DAB1: variants seen among roughly 807,000 people sequenced by gnomAD.
DAB1 encodes disabled homolog 1.
A neutral mutation model predicts 64.6 loss-of-function variants in DAB1; 15 were observed. The observed-to-expected ratio is 0.23, with a 90% CI of 0.16 to 0.36. The LOEUF (loss-of-function observed/expected upper bound fraction) is 0.36, where lower values mean the gene tolerates loss of function less well. Among genes scored for constraint, DAB1 ranks in the 10% least tolerant of loss-of-function variants. DAB1 has a pLI of 1.00. For synonymous variants in DAB1, 235 were observed against 251.9 expected, an observed-to-expected ratio of 0.93 and a Z score of 0.64; for missense variants, 596 against 706.7, an observed-to-expected ratio of 0.84 and a Z score of 1.78.
At chr1:57,477,244 A>G (rs1330036262) in intron 7 of DAB1, among the ~76,000 whole-genome samples, 2 of 152,190 alleles carry the variant, frequency 1.3e-5, no homozygotes, top group African/African-American at 4.8e-5. Flanking sequence ...TAAAAATTAT[A>G]CTTTGCATCA....
At chr1:57,708,465 T>G (rs1434643834) in intron 6 of DAB1, among the ~76,000 whole-genome samples, 1 of 152,196 alleles carries the variant, frequency 6.6e-6, no homozygotes, top group Non-Finnish European at 1.5e-5. Flanking sequence ...TTGCACTGAG[T>G]TGCACTCAAA....
chr1:57,588,926 A>T (rs963484918), intron 7 of DAB1, among the ~76,000 whole-genome samples: 8 of 152,344 alleles, frequency 5.3e-5, no homozygotes, highest in African/African-American at 1.9e-4. Context: ...GTCCAGAACA[A>T]AAAAAGTAGA....
At chr1:57,464,837 T>C (rs982699381) in intron 7 of DAB1, among the ~76,000 whole-genome samples, 2 of 151,928 alleles carry the variant, frequency 1.3e-5, no homozygotes, top group Non-Finnish European at 2.9e-5. Context: ...CAATATTTCC[T>C]GGGAGGAGCA....
intron 7 of DAB1, among the ~76,000 whole-genome samples, chr1:57,604,021 C>T (rs574872917): frequency 1.3e-5 from 2 of 152,328 alleles, no homozygotes; most frequent in East Asian, 1.9e-4. Flanking sequence ...CACATGCTGG[C>T]GTTTCCCTGG....
chr1:58,378,815 T>G (rs1335989492), intron 3 of DAB1, among the ~76,000 whole-genome samples: 3 of 109,308 alleles, frequency 2.7e-5, no homozygotes, highest in Non-Finnish European at 5.5e-5. Context: ...CAGACTGCTG[T>G]GCTAGCAATC....
Position 58,173,060 on chromosome 1 carries a change from G to A in DAB1, n.310-22472C>T, listed in dbSNP as rs1490574271. 1.3e-5 allele frequency among the ~76,000 whole-genome samples: 2 copies of A among 152,194 alleles called. 1 individual carries two copies. The highest frequency in any genetic ancestry group is 4.8e-5 in the African/African-American group (2 of 41,444). ...GGAGAAAAGGCAGAAGGAAACCACT[G>A]GGCAGATGCTGAGGCCAAAACCGCT... On this transcript the variant is annotated intron_variant and non_coding_transcript_variant, in intron 4 of 20. Transcript: ENST00000485760.
At chr1:58,048,346 G>T in intron 5 of DAB1, 1 of 1,023,030 alleles carries the variant, frequency 9.8e-7, no homozygotes, top group South Asian at 1.3e-5. Context: ...TGTTTTAATT[G>T]CCCAAATCAC....
chr1:57,736,326 C>G (rs947458166), intron 6 of DAB1, among the ~76,000 whole-genome samples: 2 of 152,236 alleles, frequency 1.3e-5, no homozygotes, highest in Non-Finnish European at 2.9e-5. Flanking sequence ...CCAAAGCAAA[C>G]TCCCATTATG....
intron 2 of DAB1, among the ~76,000 whole-genome samples, chr1:57,231,080 C>T (rs749812454): frequency 6.6e-6 from 1 of 152,110 alleles, no homozygotes; most frequent in Non-Finnish European, 1.5e-5. Context: ...GATATATAGG[C>T]AACCTTGTTG....
chr1:57,584,990 G>A (rs1444035095), intron 7 of DAB1, among the ~76,000 whole-genome samples: 3 of 152,110 alleles, frequency 2.0e-5, no homozygotes, highest in Non-Finnish European at 2.9e-5. Flanking sequence ...GGTGGCTTAC[G>A]CCTGTAATCC....
intron 7 of DAB1, among the ~76,000 whole-genome samples, chr1:57,515,459 A>T (rs749981622): frequency 5.3e-5 from 8 of 152,218 alleles, no homozygotes; most frequent in Non-Finnish European, 2.9e-5. Context: ...CAAGGTATTT[A>T]TTTGTATCAG....
At chr1:57,794,590 A>T (rs1650754090) in intron 6 of DAB1, among the ~76,000 whole-genome samples, 1 of 152,196 alleles carries the variant, frequency 6.6e-6, no homozygotes, top group South Asian at 2.1e-4. Flanking sequence ...TTCTTGCCAC[A>T]TGCCTCCATT....
intron 3 of DAB1, among the ~76,000 whole-genome samples, chr1:58,370,685 G>A (rs1360152436): frequency 6.6e-6 from 1 of 152,148 alleles, no homozygotes; most frequent in Middle Eastern, 3.2e-3. Flanking sequence ...CGTGTCAAGG[G>A]AAGGACCTAG....
At chr1:58,077,470 G>T (rs2100585575) in intron 5 of DAB1, among the ~76,000 whole-genome samples, 1 of 152,304 alleles carries the variant, frequency 6.6e-6, no homozygotes, top group South Asian at 2.1e-4. Flanking sequence ...TAATGAGAAT[G>T]AAGAAGAAGG....
rs560283661 is a variant in DAB1, at chr1:57,388,844, T to C, written c.-137+35086A>G. Among the ~76,000 whole-genome samples, 4 of 152,236 alleles carry C rather than the reference T, an allele frequency of 2.6e-5. No individual in the cohort carries two copies. In the South Asian group the frequency reaches 6.2e-4, roughly 24 times the overall value. ...ATCTCTCTTCTTCACAGAATACTGC[T>C]CCCTCTCACAAACTCCTCCTCTTGC... is the stretch of plus-strand genomic sequence containing the variant. On this transcript the variant is annotated intron_variant, in intron 1 of 14. Coordinates refer to ENST00000371236, the MANE Select transcript of DAB1 (RefSeq NM_001365792.1).
At chr1:57,779,902 G>C (rs1188570553) in intron 6 of DAB1, among the ~76,000 whole-genome samples, 1 of 152,078 alleles carries the variant, frequency 6.6e-6, no homozygotes, top group Non-Finnish European at 1.5e-5. Flanking sequence ...AAGAAGAGAG[G>C]CCTGAGGCCA....
intron 5 of DAB1, among the ~76,000 whole-genome samples, chr1:57,992,511 C>T (rs12410476): frequency 0.12 from 18,612 of 152,140 alleles, 1,303 homozygotes; most frequent in African/African-American, 0.18. Flanking sequence ...GCTCCCTGCA[C>T]TTTCTCAGTC....
chr1:57,731,912 G>T (rs1432753681), intron 6 of DAB1, among the ~76,000 whole-genome samples: 1 of 152,104 alleles, frequency 6.6e-6, no homozygotes, highest in African/African-American at 2.4e-5. Context: ...ATGTGTTTGA[G>T]AATTATCTTT....
intron 2 of DAB1, among the ~76,000 whole-genome samples, chr1:57,249,750 T>A (rs1346780315): frequency 6.6e-6 from 1 of 152,224 alleles, no homozygotes; most frequent in Non-Finnish European, 1.5e-5. Context: ...CTCCCTAGAA[T>A]GCTCTAGTGC....
Sources: gnomAD v4.1 joint callset for allele counts (sites outside exome capture counted in the v4.1 genomes callset) on GRCh38, gnomAD v4.1.1 for gene constraint, MANE v1.5 for transcripts, NCBI Gene and HGNC (gene_info 2026-07-23, HGNC 2026-07-21) for gene names.